The following ACSL1 variants were observed in gnomAD, a reference collection of about 807,000 sequenced individuals.
The protein encoded by ACSL1 is acyl-CoA synthetase long chain family member 1, also known as long-chain-fatty-acid--CoA ligase 1.
In ACSL1, 41 loss-of-function variants were observed where a neutral mutation model predicts 98.4. The ratio of observed to expected loss-of-function variants is 0.42; its 90% CI spans 0.32 to 0.54. The LOEUF is 0.54. Ranked by LOEUF, ACSL1 falls within the 20% of genes least tolerant of loss-of-function variation. The pLI is 0.13. For missense variants in ACSL1, 734 were observed against 883.1 expected, an observed-to-expected ratio of 0.83 and a Z score of 2.14; for synonymous variants, 316 against 322.7, an observed-to-expected ratio of 0.98 and a Z score of 0.22.
At chr4:184,776,429 G>A (rs1175033178) in intron 7 of ACSL1, 55 bp downstream of exon 7, 1 of 1,570,254 alleles carries the variant, frequency 6.4e-7, no homozygotes, top group Non-Finnish European at 8.6e-7. Flanking sequence ...GCACGTGTGA[G>A]CCAACACGGC....
intron 12 of ACSL1, among the ~76,000 whole-genome samples, chr4:184,767,378 C>T (rs903902673): frequency 2.6e-5 from 4 of 151,688 alleles, no homozygotes; most frequent in Admixed American, 2.0e-4. Context: ...AGTGCTAATA[C>T]GTGCTACATG....
At chr4:184,815,053 C>G (rs1231600827) in intron 1 of ACSL1, 18 of 456,124 alleles carry the variant, frequency 3.9e-5, no homozygotes, top group Non-Finnish European at 6.2e-5. Flanking sequence ...AACACACCTG[C>G]AAGAGTTAAC....
At chr4:184,812,544 T>C (rs1350099240) in intron 1 of ACSL1, among the ~76,000 whole-genome samples, 1 of 152,140 alleles carries the variant, frequency 6.6e-6, no homozygotes, top group Non-Finnish European at 1.5e-5. Flanking sequence ...GAGCCACTGA[T>C]GTAAAGGGGA....
At position 184,766,320 on chromosome 4, in the gene ACSL1, A is replaced by T. The variant is rs1486467265; in HGVS notation, c.1263+302T>A. Among the ~76,000 whole-genome samples, 1 of 152,204 alleles carries T rather than the reference A, an allele frequency of 6.6e-6. No individual in the cohort carries two copies. Among genetic ancestry groups the T allele is most frequent in the Non-Finnish European group, 1.5e-5 (1 of 68,038 alleles). ...ATGATATTGTTACACGTTATCACTC[A>T]TGCTTGAAAAATTACCTCAAGAGTG... On this transcript the variant is annotated intron_variant, in intron 13 of 20. Coordinates refer to ENST00000281455, the MANE Select transcript of ACSL1 (RefSeq NM_001995.5). This position sits in a 1 kb window ranked among gnomAD's most constrained non-coding sequence, Gnocchi z 4.8.
intron 2 of ACSL1, among the ~76,000 whole-genome samples, chr4:184,793,265 C>G (rs1313272307): frequency 6.6e-6 from 1 of 151,374 alleles, no homozygotes; most frequent in Non-Finnish European, 1.5e-5. Flanking sequence ...GTATATTCCG[C>G]AACATCTCTA....
chr4:184,765,508 T>C (rs779959666), intron 14 of ACSL1, among the ~76,000 whole-genome samples: 2 of 151,742 alleles, frequency 1.3e-5, no homozygotes, highest in Admixed American at 6.6e-5. Context: ...GTGGGAAGGA[T>C]AGGGGTGATG....
intron 17 of ACSL1, among the ~76,000 whole-genome samples, chr4:184,762,088 T>A (rs934916206): frequency 1.3e-5 from 2 of 151,514 alleles, no homozygotes; most frequent in African/African-American, 2.4e-5. Context: ...GATCACGCCA[T>A]TGCACTCCAG....
intron 2 of ACSL1, among the ~76,000 whole-genome samples, chr4:184,797,816 T>C (rs186534814): frequency 1.3e-5 from 2 of 152,326 alleles, no homozygotes; most frequent in East Asian, 1.9e-4. Flanking sequence ...TTCTCTGCCC[T>C]GGTACTGTGC....
chr4:184,800,082 G>A (rs1173073797), intron 2 of ACSL1, among the ~76,000 whole-genome samples: 5 of 152,112 alleles, frequency 3.3e-5, no homozygotes, highest in African/African-American at 4.8e-5. Flanking sequence ...CAGTTTTCTT[G>A]TGTATAAAAT....
At chr4:184,760,263 G>A in intron 18 of ACSL1, 94 bp downstream of exon 18, 2 of 1,396,696 alleles carry the variant, frequency 1.4e-6, no homozygotes, top group Non-Finnish European at 2.0e-6. Flanking sequence ...CCAAGTGATA[G>A]GCGTCTCAAA....
chr4:184,756,942 G>A lies in ACSL1; in HGVS notation c.*183C>T. 1 of 651,390 alleles carries A rather than the reference G, an allele frequency of 1.5e-6. No individual in the cohort carries two copies. The highest frequency in any genetic ancestry group is 2.7e-5 in the East Asian group (1 of 36,898). 40.4% of individuals were successfully genotyped at this position (651,390 alleles called of 1,614,324 possible). ...ACCATAAACATGGTCTGCAACATGA[G>A]GTGACTGTAAGGCAGTGTTCTCTTT... On this transcript the variant is annotated 3_prime_UTR_variant, in exon 21 of 21. Coordinates refer to ENST00000281455, the MANE Select transcript of ACSL1 (RefSeq NM_001995.5).
At chr4:184,759,127 T>C (rs982537411) in intron 18 of ACSL1, among the ~76,000 whole-genome samples, 10 of 152,178 alleles carry the variant, frequency 6.6e-5, no homozygotes, top group Non-Finnish European at 4.4e-5. Context: ...ATGTGACACA[T>C]TTTCTTAATC....
rs566577150 is a variant in ACSL1, at chr4:184,813,473, A to G, written c.-32-9927T>C. Reference sequence around the variant, plus strand: ...ATCCTTCTGCAAAGAGCAAGACAGAAAAGGCTTGTGTAGACTAAACTTCTC... The same window carrying G: ...ATCCTTCTGCAAAGAGCAAGACAGAGAAGGCTTGTGTAGACTAAACTTCTC... On this transcript the variant is annotated intron_variant, in intron 1 of 20. Transcript: ENST00000281455. 3.1e-4 allele frequency: 49 copies of G among 157,214 alleles called. 1 individual carries two copies. Among genetic ancestry groups the G allele is most frequent in the Middle Eastern group, 3.4e-3 (1 of 298 alleles). 9.7% of individuals were successfully genotyped at this position (157,214 alleles called of 1,614,324 possible).
Position 184,825,213 on chromosome 4 carries a change from A to C in ACSL1, c.-33+703T>G. On this transcript the variant is annotated intron_variant, in intron 1 of 20. Transcript: ENST00000281455. The surrounding 1 kb of genome is among the most constrained non-coding windows in gnomAD (Gnocchi z 4.7). ...CAGACTCGAATCCACGTGTCCATTCAAGTCATCTACCGCCACTCTCCGTCT... is the reference window on the plus strand; with the variant it reads ...CAGACTCGAATCCACGTGTCCATTCCAGTCATCTACCGCCACTCTCCGTCT... The C allele has an allele frequency of 4.1e-6, 4 of 985,346 alleles. No individual in the cohort carries two copies. Among genetic ancestry groups the C allele is most frequent in the Non-Finnish European group, 4.8e-6 (4 of 829,892 alleles). The allele number at this position is 985,346 out of a possible 1,614,324, so 61.0% of individuals were successfully genotyped here. A position where few individuals can be genotyped will look rare whatever the true frequency, so the allele number is the denominator to read the frequency against.
Position 184,773,783 on chromosome 4 carries a change from C to T in ACSL1, c.789+60G>A. On this transcript the variant is annotated intron_variant, in intron 8 of 20. Coordinates refer to ENST00000281455, the MANE Select transcript of ACSL1 (RefSeq NM_001995.5). This position sits in a 1 kb window ranked among gnomAD's most constrained non-coding sequence, Gnocchi z 4.3. ...AAAGAGAACTATAAGCCACAAGGTA[C>T]CAGGCTAGATATTGAAAACTACAAA... The T allele has an allele frequency of 6.2e-7, 1 of 1,612,730 alleles. No homozygotes were observed. The highest frequency in any genetic ancestry group is 8.5e-7 in the Non-Finnish European group (1 of 1,179,358).
At chr4:184,759,958 A>G (rs986520408) in intron 18 of ACSL1, among the ~76,000 whole-genome samples, 2 of 152,230 alleles carry the variant, frequency 1.3e-5, no homozygotes, top group Non-Finnish European at 2.9e-5. Context: ...GTTCACAACC[A>G]CCGTTTGCTC....
At position 184,766,116 on chromosome 4, in the gene ACSL1, A is replaced by G; in HGVS notation, c.1264-130T>C. 2.6e-6 allele frequency: 2 copies of G among 766,522 alleles called. No individual in the cohort carries two copies. Among genetic ancestry groups the G allele is most frequent in the Admixed American group, 2.6e-5 (1 of 39,102 alleles). 47.5% of individuals were successfully genotyped at this position (766,522 alleles called of 1,614,324 possible). On this transcript the variant is annotated intron_variant, in intron 13 of 20. Coordinates refer to ENST00000281455, the MANE Select transcript of ACSL1 (RefSeq NM_001995.5). This position sits in a 1 kb window ranked among gnomAD's most constrained non-coding sequence, Gnocchi z 4.8. ...TGCAGACCACACGGAGGCCACACGGAGAACTCACAGCCCTCATGATGGCAG... is the reference window on the plus strand; with the variant it reads ...TGCAGACCACACGGAGGCCACACGGGGAACTCACAGCCCTCATGATGGCAG...
chr4:184,787,962 G>GT (rs1767691920), intron 3 of ACSL1, among the ~76,000 whole-genome samples: 1 of 152,058 alleles, frequency 6.6e-6, no homozygotes, highest in Non-Finnish European at 1.5e-5. Flanking sequence ...GAGGTCAGAA[G>GT]TTTGAGTCCA....
Position 184,757,623 on chromosome 4 carries a change from T to C in ACSL1, c.1956+12A>G. ...TTTTACAGGAATTCACCCACTCAGATGAAGGTCATACCTGTTCAAATGGTT... is the reference window on the plus strand; with the variant it reads ...TTTTACAGGAATTCACCCACTCAGACGAAGGTCATACCTGTTCAAATGGTT... On this transcript the variant is annotated intron_variant, in intron 20 of 20. Transcript: ENST00000281455. This position sits in a 1 kb window ranked among gnomAD's most constrained non-coding sequence, Gnocchi z 4.5. 1 of 1,602,790 alleles carries C rather than the reference T, an allele frequency of 6.2e-7. No homozygotes were observed. Among genetic ancestry groups the C allele is most frequent in the Non-Finnish European group, 8.5e-7 (1 of 1,176,862 alleles).
Sources: gnomAD v4.1 joint callset for allele counts (sites outside exome capture counted in the v4.1 genomes callset) on GRCh38, gnomAD v4.1.1 for gene constraint, Gnocchi (gnomAD v3.1) non-coding constraint, MANE v1.5 for transcripts, NCBI Gene and HGNC (gene_info 2026-07-23, HGNC 2026-07-21) for gene names.